The following KCNMB2 variants were observed in gnomAD, a reference collection of about 807,000 sequenced individuals.
KCNMB2 encodes calcium-activated potassium channel subunit beta-2.
In KCNMB2, 9 loss-of-function variants were observed where a neutral mutation model predicts 24.5. That is an observed-to-expected ratio of 0.37 (90% confidence interval 0.22 to 0.64). The LOEUF (loss-of-function observed/expected upper bound fraction) is 0.64. KCNMB2 is among the 30% of genes least tolerant of loss of function. The probability of loss-of-function intolerance (pLI) is 0.63; values close to 1 mark genes in which losing one functional copy is unlikely to be tolerated. For synonymous variants in KCNMB2, 109 were observed against 104.4 expected, an observed-to-expected ratio of 1.04 and a Z score of -0.27; for missense variants, 226 against 284.3, an observed-to-expected ratio of 0.79 and a Z score of 1.47.
chr3:178,692,879 G>A (rs543598038), intron 1 of KCNMB2, among the ~76,000 whole-genome samples: 18 of 152,166 alleles, frequency 1.2e-4, no homozygotes, highest in Admixed American at 8.5e-4. Flanking sequence ...TCATATCCAC[G>A]AGCATGGAAT....
chr3:178,569,872 A>G lies in KCNMB2; in HGVS notation c.-68+33161A>G, dbSNP rs562451295. On this transcript the variant is annotated intron_variant, in intron 1 of 4. Coordinates refer to ENST00000452583, the MANE Select transcript of KCNMB2 (RefSeq NM_181361.3). ...TCTGCATCTATGCCTCCTTCAACTT[A>G]TATCTGTTTATTGCATGCCTTTTTT... 3.3e-5 allele frequency among the ~76,000 whole-genome samples: 5 copies of G among 152,282 alleles called. No individual in the cohort carries two copies. In the South Asian group the frequency reaches 1.0e-3, roughly 32 times the overall value.
At chr3:178,595,639 G>A (rs547255089) in intron 1 of KCNMB2, among the ~76,000 whole-genome samples, 16 of 152,114 alleles carry the variant, frequency 1.1e-4, no homozygotes, top group African/African-American at 3.6e-4. Context: ...TCTCCTTCCT[G>A]CTGCCATGTG....
chr3:178,757,616 C>A (rs1241641766), intron 1 of KCNMB2, among the ~76,000 whole-genome samples: 3 of 26,722 alleles, frequency 1.1e-4, no homozygotes, highest in Non-Finnish European at 2.2e-4. Flanking sequence ...GTATATATAT[C>A]CAAGAGGATA....
intron 1 of KCNMB2, among the ~76,000 whole-genome samples, chr3:178,656,639 G>A (rs553500012): frequency 1.1e-3 from 165 of 152,172 alleles, no homozygotes; most frequent in African/African-American, 3.8e-3. Flanking sequence ...CGGGTGTGGC[G>A]GTGGGTGCCT....
Position 178,634,002 on chromosome 3 carries a change from C to A in KCNMB2, c.-68+97291C>A, listed in dbSNP as rs765492658. Reference sequence around the variant, plus strand: ...CCTTTACTCCAGTTCCTAACAAGTTCCTCATCTCCATCTGAGACTACCTTG... The same window carrying A: ...CCTTTACTCCAGTTCCTAACAAGTTACTCATCTCCATCTGAGACTACCTTG... On this transcript the variant is annotated intron_variant, in intron 1 of 4. Coordinates refer to ENST00000452583, the MANE Select transcript of KCNMB2 (RefSeq NM_181361.3). 5.9e-5 allele frequency among the ~76,000 whole-genome samples: 9 copies of A among 152,314 alleles called. 1 individual carries two copies. The South Asian group carries it at 1.9e-3, about 32-fold the overall frequency.
chr3:178,568,811 ATAGATAATAGATAGATAGATGATAGATAG>A (rs1196653561), intron 1 of KCNMB2, among the ~76,000 whole-genome samples: 1 of 48,688 alleles, frequency 2.1e-5, no homozygotes, highest in African/African-American at 1.0e-4. Context: ...AGATAGATAG[ATAGATAATAGATAGATAGATGATAGATAG>A]ATAGATAGAT....
chr3:178,761,988 TGTGAAACCCC>T (rs1232139993), intron 1 of KCNMB2, among the ~76,000 whole-genome samples: 4 of 151,862 alleles, frequency 2.6e-5, no homozygotes, highest in Non-Finnish European at 5.9e-5. Context: ...TGGCTAACAC[TGTGAAACCCC>T]GTCTCTACTA....
intron 1 of KCNMB2, among the ~76,000 whole-genome samples, chr3:178,746,196 T>A (rs1399024702): frequency 6.6e-6 from 1 of 152,228 alleles, no homozygotes; most frequent in African/African-American, 2.4e-5. Context: ...ATACATCTTC[T>A]GAAATCTAGG....
intron 1 of KCNMB2, among the ~76,000 whole-genome samples, chr3:178,748,828 G>A (rs78404137): frequency 0.14 from 21,294 of 152,146 alleles, 1,844 homozygotes; most frequent in Non-Finnish European, 0.18. Context: ...GGTGACCTAT[G>A]TCCACTATGT....
Position 178,669,361 on chromosome 3 carries a change from C to CA in KCNMB2, c.-68+132658dup, listed in dbSNP as rs1189618118. Among the ~76,000 whole-genome samples, 4 of 151,282 alleles carry CA rather than the reference C, an allele frequency of 2.6e-5. No homozygotes were observed. The East Asian group carries it at 5.8e-4, about 22-fold the overall frequency. ...TTCATCAGTGAAAATAATTAACCTT[C>CA]AAAAAAAAGAGGAGAGAGGAGAGAA... On this transcript the variant is annotated intron_variant, in intron 1 of 4. Coordinates refer to ENST00000452583, the MANE Select transcript of KCNMB2 (RefSeq NM_181361.3).
intron 2 of KCNMB2, among the ~76,000 whole-genome samples, chr3:178,814,012 G>A (rs1278565513): frequency 6.6e-6 from 1 of 151,988 alleles, no homozygotes; most frequent in Non-Finnish European, 1.5e-5. Context: ...TTTTCTAATC[G>A]TAGACTCAGG....
chr3:178,785,519 C>A (rs751879664), intron 1 of KCNMB2, among the ~76,000 whole-genome samples: 3 of 151,524 alleles, frequency 2.0e-5, no homozygotes, highest in African/African-American at 4.8e-5. Context: ...ACATATTGAC[C>A]GATTCAAATT....
chr3:178,551,444 C>T (rs1396725770), intron 1 of KCNMB2, among the ~76,000 whole-genome samples: 2 of 152,180 alleles, frequency 1.3e-5, no homozygotes, highest in Non-Finnish European at 2.9e-5. Context: ...ATGTAAACTG[C>T]AGGCCACACT....
At chr3:178,552,263 C>T (rs866108321) in intron 1 of KCNMB2, among the ~76,000 whole-genome samples, 8 of 152,200 alleles carry the variant, frequency 5.3e-5, no homozygotes, top group Middle Eastern at 3.4e-3. Flanking sequence ...TGAGGAGTTG[C>T]GAAAGAGAAA....
Position 178,571,446 on chromosome 3 carries a change from G to GGA in KCNMB2, c.-68+34736_-68+34737dup, listed in dbSNP as rs1169136650. Among the ~76,000 whole-genome samples the GGA allele has an allele frequency of 1.1e-3, 37 of 34,488 alleles. 1 individual carries two copies. The highest frequency in any genetic ancestry group is 3.0e-3 in the African/African-American group (35 of 11,860). 22.6% of individuals were successfully genotyped at this position (34,488 alleles called of 152,430 possible). ...ATCTGTGGATCTGCCTTTTCCTTATGGATATATATATATATATATATATAT... is the reference window on the plus strand; with the variant it reads ...ATCTGTGGATCTGCCTTTTCCTTATGGAGATATATATATATATATATATATAT... On this transcript the variant is annotated intron_variant, in intron 1 of 4. Transcript: ENST00000452583.
At chr3:178,619,445 T>C (rs1718831183) in intron 1 of KCNMB2, among the ~76,000 whole-genome samples, 1 of 152,152 alleles carries the variant, frequency 6.6e-6, no homozygotes, top group South Asian at 2.1e-4. Flanking sequence ...CATGAAATTA[T>C]CAAAGATTTA....
chr3:178,770,582 T>A (rs1182744938), intron 1 of KCNMB2, among the ~76,000 whole-genome samples: 7 of 152,182 alleles, frequency 4.6e-5, no homozygotes, highest in Admixed American at 6.5e-5. Flanking sequence ...CTGACCATTA[T>A]TTTTACCAAC....
intron 1 of KCNMB2, among the ~76,000 whole-genome samples, chr3:178,750,413 AAAACACTGCT>A (rs1284055208): frequency 6.6e-6 from 1 of 152,206 alleles, no homozygotes; most frequent in East Asian, 1.9e-4. Flanking sequence ...ACAAAACAAA[AAAACACTGCT>A]CAGTCAATTC....
intron 1 of KCNMB2, among the ~76,000 whole-genome samples, chr3:178,752,583 A>T (rs1181715209): frequency 1.3e-5 from 2 of 152,198 alleles, no homozygotes; most frequent in Non-Finnish European, 2.9e-5. Flanking sequence ...CATTTCATAA[A>T]TGTAAATTAG....
Sources: gnomAD v4.1 joint callset for allele counts (sites outside exome capture counted in the v4.1 genomes callset) on GRCh38, gnomAD v4.1.1 for gene constraint, MANE v1.5 for transcripts, NCBI Gene and HGNC (gene_info 2026-07-23, HGNC 2026-07-21) for gene names.